Variants in PDE4B observed in about 807,000 individuals in gnomAD.
The protein encoded by PDE4B is 3',5'-cyclic-AMP phosphodiesterase 4B.
Under a neutral mutation model 82.2 loss-of-function variants are expected in PDE4B, and 20 were observed. That is an observed-to-expected ratio of 0.24 (90% CI 0.17 to 0.35). The LOEUF (loss-of-function observed/expected upper bound fraction) is 0.35, where lower values mean the gene tolerates loss of function less well. Among genes scored for constraint, PDE4B ranks in the 10% least tolerant of loss-of-function variants. The pLI, the probability that PDE4B is intolerant of heterozygous loss-of-function variation, is 1.00. For synonymous variants in PDE4B, 320 were observed against 318.9 expected, an observed-to-expected ratio of 1.00 and a Z score of -0.04; for missense variants, 655 against 907.2, an observed-to-expected ratio of 0.72 and a Z score of 3.57.
chr1:65,939,634 C>T (rs541846380), intron 3 of PDE4B, among the ~76,000 whole-genome samples: 3 of 152,204 alleles, frequency 2.0e-5, no homozygotes, highest in Non-Finnish European at 2.9e-5. Context: ...AGGTCTTGAA[C>T]CCCACAAAGG....
chr1:66,133,529 CT>C (rs1645994856), intron 3 of PDE4B, among the ~76,000 whole-genome samples: 1 of 152,192 alleles, frequency 6.6e-6, no homozygotes, highest in Non-Finnish European at 1.5e-5. Context: ...ATCACAATTC[CT>C]TGGGCTTACT....
intron 3 of PDE4B, among the ~76,000 whole-genome samples, chr1:66,030,403 T>C (rs1048617361): frequency 6.6e-6 from 1 of 152,204 alleles, no homozygotes; most frequent in Non-Finnish European, 1.5e-5. Context: ...CCTTGACTTT[T>C]TGAAAGGGCT....
chr1:66,307,501 A>T (rs1658364895), intron 7 of PDE4B, among the ~76,000 whole-genome samples: 1 of 152,180 alleles, frequency 6.6e-6, no homozygotes, highest in South Asian at 2.1e-4. Context: ...ATTGACCTTT[A>T]TCTCATCAGT....
intron 3 of PDE4B, among the ~76,000 whole-genome samples, chr1:66,190,107 C>G (rs1419160817): frequency 6.6e-6 from 1 of 152,162 alleles, no homozygotes; most frequent in Non-Finnish European, 1.5e-5. Context: ...CACTCCAGAC[C>G]CTGTTTGCCT....
At chr1:65,908,923 G>T (rs1647056758) in intron 1 of PDE4B, among the ~76,000 whole-genome samples, 1 of 152,128 alleles carries the variant, frequency 6.6e-6, no homozygotes, top group African/African-American at 2.4e-5. Context: ...CTTCTACTCT[G>T]CCACAATATA....
intron 3 of PDE4B, among the ~76,000 whole-genome samples, chr1:66,090,532 A>G (rs1644990494): frequency 6.6e-6 from 1 of 150,452 alleles, no homozygotes; most frequent in East Asian, 1.9e-4. Flanking sequence ...TATAAGTGTT[A>G]TCATAGTCAA....
At chr1:66,104,888 T>C (rs1645310786) in intron 3 of PDE4B, among the ~76,000 whole-genome samples, 1 of 146,728 alleles carries the variant, frequency 6.8e-6, no homozygotes, top group Non-Finnish European at 1.5e-5. Context: ...ATTTTGTAGG[T>C]TGCCTGTTCA....
At chr1:65,947,196 G>A (rs1443239312) in intron 3 of PDE4B, among the ~76,000 whole-genome samples, 1 of 152,038 alleles carries the variant, frequency 6.6e-6, no homozygotes, top group Non-Finnish European at 1.5e-5. Context: ...ACACAGCCCT[G>A]GGGCAAGACT....
chr1:66,195,137 G>A (rs532566986), intron 3 of PDE4B, among the ~76,000 whole-genome samples: 18 of 152,106 alleles, frequency 1.2e-4, no homozygotes, highest in Non-Finnish European at 1.6e-4. Context: ...GGAGTTTAAT[G>A]CTTAGACTCT....
chr1:65,798,338 A>C (rs1382357305), intron 1 of PDE4B, among the ~76,000 whole-genome samples: 1 of 70,772 alleles, frequency 1.4e-5, no homozygotes, highest in Non-Finnish European at 2.2e-5. Context: ...GGCTCACTGC[A>C]AGCTCCGCTT....
At chr1:65,883,758 G>T (rs1339357489) in intron 1 of PDE4B, among the ~76,000 whole-genome samples, 1 of 152,178 alleles carries the variant, frequency 6.6e-6, no homozygotes, top group Non-Finnish European at 1.5e-5. Flanking sequence ...AATGCTTCCA[G>T]TTTGTGCCCA....
At chr1:65,831,552 T>C (rs1212878437) in intron 1 of PDE4B, among the ~76,000 whole-genome samples, 1 of 152,176 alleles carries the variant, frequency 6.6e-6, no homozygotes. Context: ...TAAAGGAAAC[T>C]CTAGGCTCAG....
chr1:66,244,190 G>C (rs1310628085), intron 3 of PDE4B, among the ~76,000 whole-genome samples: 4 of 152,022 alleles, frequency 2.6e-5, no homozygotes, highest in African/African-American at 7.3e-5. Context: ...GAAAACTGTA[G>C]CACATAACAA....
At chr1:65,914,594 T>TG in intron 2 of PDE4B, among the ~76,000 whole-genome samples, 1 of 146,466 alleles carries the variant, frequency 6.8e-6, no homozygotes, top group Non-Finnish European at 1.5e-5. Context: ...TTTAGAAAAC[T>TG]TTTTTTCTTA....
chr1:66,090,307 G>A (rs186556644), intron 3 of PDE4B, among the ~76,000 whole-genome samples: 1 of 151,910 alleles, frequency 6.6e-6, no homozygotes, highest in Admixed American at 6.6e-5. Flanking sequence ...TCTTCCAGGG[G>A]TGATACAGCT....
At chr1:66,197,456 A>T (rs930508469) in intron 3 of PDE4B, among the ~76,000 whole-genome samples, 1 of 152,120 alleles carries the variant, frequency 6.6e-6, no homozygotes, top group Non-Finnish European at 1.5e-5. Context: ...GGAGCAAAAA[A>T]AATCAGCCAG....
intron 3 of PDE4B, among the ~76,000 whole-genome samples, chr1:66,169,856 C>T (rs1322526383): frequency 6.6e-6 from 1 of 152,152 alleles, no homozygotes; most frequent in African/African-American, 2.4e-5. Context: ...CTACACGCAT[C>T]ATGGGAAGCT....
At chr1:66,160,562 C>T (rs1301969486) in intron 3 of PDE4B, among the ~76,000 whole-genome samples, 1 of 152,190 alleles carries the variant, frequency 6.6e-6, no homozygotes, top group Non-Finnish European at 1.5e-5. Flanking sequence ...ATTCTTTTTA[C>T]ACCTCTGAAA....
chr1:66,186,198 C>A (rs941025235), intron 3 of PDE4B, among the ~76,000 whole-genome samples: 1 of 152,152 alleles, frequency 6.6e-6, no homozygotes, highest in Non-Finnish European at 1.5e-5. Flanking sequence ...GTCTATATCT[C>A]TGTTTTGGTA....
Sources: gnomAD v4.1 joint callset for allele counts (sites outside exome capture counted in the v4.1 genomes callset) on GRCh38, gnomAD v4.1.1 for gene constraint, MANE v1.5 for transcripts, NCBI Gene and HGNC (gene_info 2026-07-23, HGNC 2026-07-21) for gene names.